NCOA1: variants seen among roughly 807,000 people sequenced by gnomAD.
The protein encoded by NCOA1 is nuclear receptor coactivator 1.
NCOA1 carries 35 observed loss-of-function variants against 150.9 expected under a neutral mutation model. That is an observed-to-expected ratio of 0.23 (90% CI 0.18 to 0.31). The LOEUF (loss-of-function observed/expected upper bound fraction) is 0.31. Among genes scored for constraint, NCOA1 ranks in the 10% least tolerant of loss-of-function variants. The pLI is 1.00. For synonymous variants in NCOA1, 590 were observed against 630.0 expected (o/e 0.94, Z 0.95); for missense variants, 1,491 against 1,749.3 (o/e 0.85, Z 2.63).
intron 1 of NCOA1, among the ~76,000 whole-genome samples, chr2:24,507,014 A>G (rs752127353): frequency 6.6e-6 from 1 of 152,216 alleles, no homozygotes; most frequent in Non-Finnish European, 1.5e-5. Context: ...TGAGGGTATT[A>G]TCTCCTTTAT....
intron 19 of NCOA1, among the ~76,000 whole-genome samples, chr2:24,749,020 T>G (rs1161370650): frequency 6.6e-6 from 1 of 152,192 alleles, no homozygotes; most frequent in Non-Finnish European, 1.5e-5. Context: ...TGAGATGTAT[T>G]TTGTCAGGAA....
chr2:24,700,936 C>G (rs1010467984), intron 11 of NCOA1, among the ~76,000 whole-genome samples: 1 of 152,152 alleles, frequency 6.6e-6, no homozygotes, highest in Admixed American at 6.5e-5. Context: ...TATGGGTAAT[C>G]CCACTTTAGG....
Position 24,609,623 on chromosome 2 carries a change from C to G in NCOA1, c.-175+25063C>G, listed in dbSNP as rs186591108. 8.0e-4 allele frequency among the ~76,000 whole-genome samples: 122 copies of G among 152,120 alleles called. No individual in the cohort carries two copies. The Middle Eastern group carries it at 0.01, about 13-fold the overall frequency. ...TCCAGCCTGGGTAACATAGCGAGACCTCATCTCTTAAAAAATAAAAAAGGA... is the reference window on the plus strand; with the variant it reads ...TCCAGCCTGGGTAACATAGCGAGACGTCATCTCTTAAAAAATAAAAAAGGA... On this transcript the variant is annotated intron_variant, in intron 3 of 22. Transcript: ENST00000348332.
At chr2:24,524,345 G>T (rs902334742) in intron 1 of NCOA1, among the ~76,000 whole-genome samples, 1 of 152,130 alleles carries the variant, frequency 6.6e-6, no homozygotes, top group Admixed American at 6.5e-5. Flanking sequence ...GCCCAGGCTG[G>T]TGGAATGCAG....
intron 1 of NCOA1, among the ~76,000 whole-genome samples, chr2:24,556,821 G>A (rs1282832800): frequency 6.6e-6 from 1 of 152,056 alleles, no homozygotes; most frequent in African/African-American, 2.4e-5. Context: ...ACAGTGTGGC[G>A]ATTCCCCAAA....
At chr2:24,500,269 T>C (rs1054164359) in intron 1 of NCOA1, among the ~76,000 whole-genome samples, 1 of 152,140 alleles carries the variant, frequency 6.6e-6, no homozygotes, top group Non-Finnish European at 1.5e-5. Flanking sequence ...CCACCATGCC[T>C]GGCTAATTTT....
Position 24,557,702 on chromosome 2 carries a change from T to G in NCOA1, c.-395-6593T>G, listed in dbSNP as rs192023710. Among the ~76,000 whole-genome samples, 598 of 152,300 alleles carry G rather than the reference T, an allele frequency of 3.9e-3. 1 individual carries two copies. Among genetic ancestry groups the G allele is most frequent in the Admixed American group, 7.6e-3 (116 of 15,296 alleles). On this transcript the variant is annotated intron_variant, in intron 1 of 22. Coordinates refer to ENST00000348332, the MANE Select transcript of NCOA1 (RefSeq NM_003743.5). Reference sequence around the variant, plus strand: ...GCCCTTTATTGTCGAAAAGTATTTTTGCTGGTTATTGAATTCTATACATAG... The same window carrying G: ...GCCCTTTATTGTCGAAAAGTATTTTGGCTGGTTATTGAATTCTATACATAG...
intron 1 of NCOA1, among the ~76,000 whole-genome samples, chr2:24,502,731 TTA>T (rs1386607235): frequency 6.6e-6 from 1 of 152,164 alleles, no homozygotes; most frequent in Middle Eastern, 3.2e-3. Context: ...TTCTACCTCT[TTA>T]TATGTTATTT....
chr2:24,615,330 T>C (rs1020331485), intron 3 of NCOA1, among the ~76,000 whole-genome samples: 3 of 152,192 alleles, frequency 2.0e-5, no homozygotes, highest in Non-Finnish European at 2.9e-5. Flanking sequence ...TATGAGAAAG[T>C]AAATTATCAC....
chr2:24,767,488 G>A lies in NCOA1; in HGVS notation c.4156-733G>A, dbSNP rs1164134351. Among the ~76,000 whole-genome samples, 3 of 152,168 alleles carry A rather than the reference G, an allele frequency of 2.0e-5. No individual in the cohort carries two copies. The East Asian group carries it at 5.8e-4, about 29-fold the overall frequency. ...AATATGCTAGAACTGTGCAACTTTA[G>A]ACATTTTTAAGGAATAAGTGTATTA... is the stretch of plus-strand genomic sequence containing the variant. On this transcript the variant is annotated intron_variant, in intron 22 of 22. Coordinates refer to ENST00000348332, the MANE Select transcript of NCOA1 (RefSeq NM_003743.5).
chr2:24,617,216 G>A (rs1474038092), intron 3 of NCOA1, among the ~76,000 whole-genome samples: 1 of 152,000 alleles, frequency 6.6e-6, no homozygotes, highest in African/African-American at 2.4e-5. Context: ...TGAGAGAAGA[G>A]TATTCATGCC....
chr2:24,659,386 T>G (rs926840000), intron 5 of NCOA1, among the ~76,000 whole-genome samples: 19 of 152,200 alleles, frequency 1.2e-4, no homozygotes, highest in Admixed American at 4.6e-4. Context: ...AATATTTGGT[T>G]TGTTATAAGG....
At chr2:24,742,623 A>AT (rs1430396451) in intron 19 of NCOA1, among the ~76,000 whole-genome samples, 1 of 146,800 alleles carries the variant, frequency 6.8e-6, no homozygotes, top group Non-Finnish European at 1.5e-5. Context: ...TGCCCAGCTA[A>AT]TTTTTGTTTT....
At chr2:24,710,850 T>TA in intron 13 of NCOA1, 81 bp from the exon 14 acceptor site, 1 of 1,367,316 alleles carries the variant, frequency 7.3e-7, no homozygotes, top group South Asian at 1.2e-5. Context: ...TCATAGAGTT[T>TA]AAAGAAGCAG....
At chr2:24,708,243 C>G (rs1247926908) in intron 13 of NCOA1, among the ~76,000 whole-genome samples, 1 of 152,184 alleles carries the variant, frequency 6.6e-6, no homozygotes, top group Non-Finnish European at 1.5e-5. Flanking sequence ...AAACCTAAGT[C>G]TGGGAACCCC....
Position 24,728,403 on chromosome 2 carries a change from C to A in NCOA1, c.2813C>A (p.Ser938Tyr). ...AAGGCTCTTCTTGAACAGCTGGTAT[C>A]CTTCCTTAGTGGCAAAGATGAAACT... Reference protein sequence around the residue: ...DEKALLEQLVSFLSGKDETEL... With the variant: ...DEKALLEQLVYFLSGKDETEL... The change falls in exon 16 of 23, where the codon TCC (serine) becomes TAC (tyrosine). Residue 938 changes from serine to tyrosine, a missense_variant. This residue lies in a region of NCOA1 where 13 missense variants were observed against 38.5 expected (regional missense o/e 0.34). Transcript: ENST00000348332. 1.9e-6 allele frequency: 3 copies of A among 1,613,802 alleles called. No homozygotes were observed. The highest frequency in any genetic ancestry group is 8.5e-7 in the Non-Finnish European group (1 of 1,179,824).
intron 7 of NCOA1, among the ~76,000 whole-genome samples, chr2:24,675,346 G>A (rs1671856565): frequency 6.6e-6 from 1 of 152,202 alleles, no homozygotes. Context: ...TCTTAAGGAG[G>A]CTAGAAACCA....
chr2:24,643,403 G>C (rs1670319389), intron 3 of NCOA1, among the ~76,000 whole-genome samples: 2 of 152,088 alleles, frequency 1.3e-5, no homozygotes, highest in African/African-American at 2.4e-5. Flanking sequence ...TCTTCAAACA[G>C]TTGTTTTTTA....
At chr2:24,738,943 T>C (rs972173922) in intron 17 of NCOA1, among the ~76,000 whole-genome samples, 52 of 152,322 alleles carry the variant, frequency 3.4e-4, no homozygotes, top group African/African-American at 1.2e-3. Context: ...TCCCCAAATA[T>C]GTATCCACCA....
Sources: allele counts gnomAD v4.1 joint callset (sites outside exome capture counted in the v4.1 genomes callset), GRCh38; gene constraint gnomAD v4.1.1; regional missense constraint gnomAD v4.1.1; transcripts MANE v1.5; gene names NCBI Gene and HGNC (gene_info 2026-07-23, HGNC 2026-07-21).